PCDHA2: variants seen among roughly 807,000 people sequenced by gnomAD.
PCDHA2 encodes the protein protocadherin alpha-2.
PCDHA2 carries 58 observed loss-of-function variants against 66.0 expected under a neutral mutation model. The ratio of observed to expected loss-of-function variants is 0.88; its 90% CI spans 0.71 to 1.09. The LOEUF is 1.09. Among genes scored for constraint, PCDHA2 ranks in the 50% least tolerant of loss-of-function variants. PCDHA2 has a pLI of 0.00. For synonymous variants in PCDHA2, 634 were observed against 554.0 expected, an observed-to-expected ratio of 1.14 and a Z score of -2.03; for missense variants, 1,267 against 1,242.3, an observed-to-expected ratio of 1.02 and a Z score of -0.30.
chr5:140,985,739 CTTTTTTT>C (rs11372071), intron 3 of PCDHA2, among the ~76,000 whole-genome samples: 2 of 117,922 alleles, frequency 1.7e-5, no homozygotes, highest in African/African-American at 6.4e-5. Flanking sequence ...TGATGAATTC[CTTTTTTT>C]TTTTTTTTTT....
intron 1 of PCDHA2, chr5:140,857,559 C>G (rs550275293): frequency 2.5e-6 from 4 of 1,596,876 alleles, no homozygotes; most frequent in Non-Finnish European, 3.4e-6. Context: ...CGCTCGCTGT[C>G]GAGCTACGTG....
At chr5:140,882,013 A>G (rs2058902739) in intron 1 of PCDHA2, 1 of 534,534 alleles carries the variant, frequency 1.9e-6, no homozygotes, top group African/African-American at 1.9e-5. Flanking sequence ...GCAAAAAAAT[A>G]CTACATCAAT....
chr5:140,941,701 C>T (rs1312324595), intron 1 of PCDHA2, among the ~76,000 whole-genome samples: 3 of 152,142 alleles, frequency 2.0e-5, no homozygotes, highest in Non-Finnish European at 4.4e-5. Context: ...TTGGGCTTAG[C>T]TTTCCTCCAC....
chr5:140,842,705 G>T, intron 1 of PCDHA2: 2 of 1,595,328 alleles, frequency 1.3e-6, no homozygotes, highest in Non-Finnish European at 1.7e-6. Context: ...CGAGTACACG[G>T]TGTTCGTGAA....
chr5:140,870,237 A>C, intron 1 of PCDHA2: 1 of 1,614,180 alleles, frequency 6.2e-7, no homozygotes, highest in South Asian at 1.1e-5. Flanking sequence ...ACCGTGACTC[A>C]GGTGTCAACG....
Position 140,823,093 on chromosome 5 carries a change from G to T in PCDHA2, c.2388+25741G>T, listed in dbSNP as rs147205231. The T allele has an allele frequency of 4.2e-5, 68 of 1,613,940 alleles. No homozygotes were observed. Among genetic ancestry groups the T allele is most frequent in the African/African-American group, 1.9e-4 (14 of 74,948 alleles). On this transcript the variant is annotated intron_variant, in intron 1 of 3. Coordinates refer to ENST00000526136, the MANE Select transcript of PCDHA2 (RefSeq NM_018905.3). ...GCCTTCGCTGTGGGCCACCGCCAGCGTGTCTGTGGAAGTGGCCGACGTGAA... is the reference window on the plus strand; with the variant it reads ...GCCTTCGCTGTGGGCCACCGCCAGCTTGTCTGTGGAAGTGGCCGACGTGAA...
intron 1 of PCDHA2, among the ~76,000 whole-genome samples, chr5:140,886,063 G>A (rs547299842): frequency 3.3e-5 from 5 of 152,172 alleles, no homozygotes; most frequent in East Asian, 1.9e-4. Flanking sequence ...TTACAAAAGC[G>A]TAGGGCCATA....
At chr5:140,842,265 T>C in intron 1 of PCDHA2, 1 of 1,610,902 alleles carries the variant, frequency 6.2e-7, no homozygotes. Flanking sequence ...CAAGAAAACT[T>C]ATACAAAATC....
intron 1 of PCDHA2, among the ~76,000 whole-genome samples, chr5:140,837,367 G>T (rs1006213707): frequency 1.1e-4 from 16 of 151,860 alleles, no homozygotes; most frequent in Non-Finnish European, 4.4e-5. Context: ...CAGTTTAATA[G>T]TATTTTTTAT....
intron 1 of PCDHA2, among the ~76,000 whole-genome samples, chr5:140,903,758 T>TCCACCAAAGCCCAGTAATAGGCCAAGA (rs2070567163): frequency 6.6e-6 from 1 of 152,218 alleles, no homozygotes; most frequent in Non-Finnish European, 1.5e-5. Flanking sequence ...CCTTGATTTT[T>TCCACCAAAGCCCAGTAATAGGCCAAGA]GCTGAACTTT....
intron 1 of PCDHA2, chr5:140,969,611 A>G: frequency 1.4e-6 from 1 of 723,476 alleles, no homozygotes; most frequent in Non-Finnish European, 2.2e-6. Flanking sequence ...TAAAACACAG[A>G]TTTGTAGAGA....
At chr5:140,802,087 C>T in intron 1 of PCDHA2, 2 of 1,614,186 alleles carry the variant, frequency 1.2e-6, no homozygotes, top group Non-Finnish European at 8.5e-7. Context: ...CATTTAGATC[C>T]AGTCAATGGA....
intron 1 of PCDHA2, chr5:140,863,426 T>C: frequency 1.5e-6 from 1 of 661,760 alleles, no homozygotes; most frequent in Non-Finnish European, 2.7e-6. Context: ...CGCAGCGTAG[T>C]GGGATCTGGT....
At chr5:140,882,931 G>A in intron 1 of PCDHA2, 1 of 1,614,206 alleles carries the variant, frequency 6.2e-7, no homozygotes. Context: ...GTAAACCCGA[G>A]CTGACTGGCA....
intron 1 of PCDHA2, among the ~76,000 whole-genome samples, chr5:140,918,659 G>A (rs1584109247): frequency 6.6e-6 from 1 of 152,172 alleles, no homozygotes; most frequent in Non-Finnish European, 1.5e-5. Context: ...TTCTCATGTT[G>A]ATGGTATGAA....
At chr5:140,904,974 T>C (rs537444148) in intron 1 of PCDHA2, among the ~76,000 whole-genome samples, 97 of 152,356 alleles carry the variant, frequency 6.4e-4, no homozygotes, top group African/African-American at 2.2e-3. Context: ...GTGACTATTT[T>C]CTCCCACTCT....
chr5:141,007,366 CATG>C (rs1319534619), intron 3 of PCDHA2, among the ~76,000 whole-genome samples: 13 of 118,904 alleles, frequency 1.1e-4, no homozygotes, highest in Admixed American at 7.7e-4. Flanking sequence ...GCCTGGGCAA[CATG>C]ATGGAACACC....
At chr5:140,920,713 G>A (rs140720388) in intron 1 of PCDHA2, among the ~76,000 whole-genome samples, 41 of 152,140 alleles carry the variant, frequency 2.7e-4, no homozygotes, top group African/African-American at 9.6e-4. Context: ...GCATGGTGGT[G>A]TGCGCCTGCA....
chr5:140,919,455 ATGT>A (rs2079137711), intron 1 of PCDHA2, among the ~76,000 whole-genome samples: 1 of 152,118 alleles, frequency 6.6e-6, no homozygotes, highest in Admixed American at 6.5e-5. Flanking sequence ...TATTCACATG[ATGT>A]TACTATTGAT....
Sources: allele counts gnomAD v4.1 joint callset (sites outside exome capture counted in the v4.1 genomes callset), GRCh38; gene constraint gnomAD v4.1.1; transcripts MANE v1.5; gene names NCBI Gene and HGNC (gene_info 2026-07-23, HGNC 2026-07-21).